Variants in GABRB1 observed in about 807,000 individuals in gnomAD.
GABRB1 encodes the protein gamma-aminobutyric acid type A receptor subunit beta1.
In GABRB1, 17 loss-of-function variants were observed where a neutral mutation model predicts 51.6. The ratio of observed to expected loss-of-function variants is 0.33; its 90% CI spans 0.23 to 0.49. The LOEUF (loss-of-function observed/expected upper bound fraction) is 0.49, where lower values mean the gene tolerates loss of function less well. Ranked by LOEUF, GABRB1 falls within the 20% of genes least tolerant of loss-of-function variation. The pLI is 0.99. For missense variants in GABRB1, 410 were observed against 600.6 expected (o/e 0.68, Z 3.32); for synonymous variants, 247 against 218.9 (o/e 1.13, Z -1.14).
At chr4:47,200,639 C>T (rs1008547889) in intron 4 of GABRB1, among the ~76,000 whole-genome samples, 7 of 151,996 alleles carry the variant, frequency 4.6e-5, no homozygotes, top group African/African-American at 1.7e-4. Flanking sequence ...AAGGCACCAC[C>T]CTTGAATTTA....
chr4:47,297,531 A>T (rs1364225062), intron 4 of GABRB1, among the ~76,000 whole-genome samples: 2 of 152,218 alleles, frequency 1.3e-5, no homozygotes, highest in Non-Finnish European at 2.9e-5. Context: ...ATTCCTCGAC[A>T]CATACACCCT....
At chr4:47,248,244 G>A (rs1338933918) in intron 4 of GABRB1, among the ~76,000 whole-genome samples, 2 of 151,942 alleles carry the variant, frequency 1.3e-5, no homozygotes, top group Non-Finnish European at 2.9e-5. Flanking sequence ...GGATTTTGTA[G>A]AATGCTTTTT....
intron 4 of GABRB1, among the ~76,000 whole-genome samples, chr4:47,281,494 TA>T (rs1723291810): frequency 1.3e-5 from 2 of 152,108 alleles, no homozygotes; most frequent in African/African-American, 4.8e-5. Context: ...GGGGGCTCCT[TA>T]AAAAATTATA....
chr4:47,094,183 A>G (rs1254888615), intron 3 of GABRB1, among the ~76,000 whole-genome samples: 1 of 151,820 alleles, frequency 6.6e-6, no homozygotes, highest in East Asian at 1.9e-4. Context: ...TAGTTTTGAA[A>G]GAAAGTAAGG....
At chr4:47,288,275 A>G (rs1410557256) in intron 4 of GABRB1, among the ~76,000 whole-genome samples, 1 of 149,496 alleles carries the variant, frequency 6.7e-6, no homozygotes, top group African/African-American at 2.5e-5. Context: ...TATTATTGTT[A>G]TTATTAAGAT....
intron 3 of GABRB1, among the ~76,000 whole-genome samples, chr4:47,077,153 G>T (rs988199316): frequency 6.6e-6 from 1 of 152,170 alleles, no homozygotes; most frequent in Non-Finnish European, 1.5e-5. Context: ...ACATCTGAAA[G>T]TGAAATAGGG....
chr4:47,373,034 C>T (rs1159836854), intron 5 of GABRB1, among the ~76,000 whole-genome samples: 1 of 152,164 alleles, frequency 6.6e-6, no homozygotes, highest in East Asian at 1.9e-4. Flanking sequence ...TCCCTACAGA[C>T]ACAGAGACTT....
chr4:47,121,194 G>A (rs1715760449), intron 3 of GABRB1, among the ~76,000 whole-genome samples: 1 of 152,126 alleles, frequency 6.6e-6, no homozygotes, highest in Non-Finnish European at 1.5e-5. Flanking sequence ...TCATCTAAAT[G>A]CTCCCTCCAT....
chr4:47,156,214 C>A (rs1448722463), intron 3 of GABRB1, among the ~76,000 whole-genome samples: 1 of 151,832 alleles, frequency 6.6e-6, no homozygotes, highest in Admixed American at 6.6e-5. Context: ...TTCTCCACAT[C>A]CTTTCCAGTA....
At chr4:47,224,560 A>T (rs1720883330) in intron 4 of GABRB1, among the ~76,000 whole-genome samples, 1 of 152,104 alleles carries the variant, frequency 6.6e-6, no homozygotes, top group South Asian at 2.1e-4. Context: ...ACAGGTCAAG[A>T]ACTTATACAT....
chr4:47,246,386 ATATATATAT>A (rs1721760990), intron 4 of GABRB1, among the ~76,000 whole-genome samples: 4 of 61,410 alleles, frequency 6.5e-5, no homozygotes, highest in African/African-American at 3.0e-4. Flanking sequence ...ATATATATAT[ATATATATAT>A]AAAATACCAC....
chr4:47,296,641 C>G (rs546820574), intron 4 of GABRB1, among the ~76,000 whole-genome samples: 1 of 152,312 alleles, frequency 6.6e-6, no homozygotes, highest in East Asian at 1.9e-4. Context: ...GAGACTTAGA[C>G]TCCCACACAA....
At chr4:47,350,733 T>A (rs1292653456) in intron 5 of GABRB1, among the ~76,000 whole-genome samples, 1 of 152,078 alleles carries the variant, frequency 6.6e-6, no homozygotes, top group East Asian at 1.9e-4. Flanking sequence ...TTAAAATATA[T>A]GTAGAGTGCT....
At chr4:47,215,747 G>A (rs1016561832) in intron 4 of GABRB1, among the ~76,000 whole-genome samples, 3 of 152,010 alleles carry the variant, frequency 2.0e-5, no homozygotes, top group Admixed American at 2.0e-4. Context: ...GGTCAATGTA[G>A]TAACTTATTT....
Position 47,403,642 on chromosome 4 carries a change from C to T in GABRB1, c.766C>T (p.Leu256=), listed in dbSNP as rs375744464. The change falls in exon 7 of 9, where the codon CTG becomes TTG. Residue 256 remains leucine, a synonymous_variant. Coordinates refer to ENST00000295454, the MANE Select transcript of GABRB1 (RefSeq NM_000812.4). ...FILQTYMPST[L]ITILSWVSFW... The stretch of plus-strand genomic sequence containing the variant: ...TTTGCAAACCTACATGCCTTCTACA[C>T]TGATTACAATTCTGTCCTGGGTGTC... The T allele has an allele frequency of 3.7e-6, 6 of 1,613,778 alleles. No individual in the cohort carries two copies. In the Middle Eastern group the frequency reaches 4.9e-4, roughly 133 times the overall value.
chr4:47,237,610 T>C (rs1721374887), intron 4 of GABRB1, among the ~76,000 whole-genome samples: 1 of 152,034 alleles, frequency 6.6e-6, no homozygotes, highest in Admixed American at 6.6e-5. Flanking sequence ...CAATTCCAGA[T>C]TCCACTGAAT....
At chr4:47,230,522 T>A (rs889869878) in intron 4 of GABRB1, among the ~76,000 whole-genome samples, 8 of 152,128 alleles carry the variant, frequency 5.3e-5, no homozygotes, top group African/African-American at 1.9e-4. Context: ...TCAGTAACTT[T>A]GATAACACAG....
At chr4:47,103,849 T>A (rs1560535919) in intron 3 of GABRB1, among the ~76,000 whole-genome samples, 1 of 151,898 alleles carries the variant, frequency 6.6e-6, no homozygotes, top group Non-Finnish European at 1.5e-5. Context: ...AAGACCAGCA[T>A]TTTGTCTGCA....
rs973778019 is a variant in GABRB1, at chr4:47,240,274, G to T, written c.461+78805G>T. On this transcript the variant is annotated intron_variant, in intron 4 of 8. Transcript: ENST00000295454. ...GAATAAAAGGTACAACTTTGTAAAAGTGAGCTAATACGTCAAAATCTTGGC... is the reference window on the plus strand; with the variant it reads ...GAATAAAAGGTACAACTTTGTAAAATTGAGCTAATACGTCAAAATCTTGGC... Among the ~76,000 whole-genome samples, 6 of 152,312 alleles carry T rather than the reference G, an allele frequency of 3.9e-5. No individual in the cohort carries two copies. In the South Asian group the frequency reaches 1.2e-3, roughly 32 times the overall value.
Sources: gnomAD v4.1 joint callset for allele counts (sites outside exome capture counted in the v4.1 genomes callset) on GRCh38, gnomAD v4.1.1 for gene constraint, MANE v1.5 for transcripts, NCBI Gene and HGNC (gene_info 2026-07-23, HGNC 2026-07-21) for gene names.